The following MED15 variants were observed in gnomAD, a reference collection of about 807,000 sequenced individuals.
MED15 encodes the protein mediator of RNA polymerase II transcription subunit 15.
In MED15, 41 loss-of-function variants were observed where a neutral mutation model predicts 118.7. The observed-to-expected ratio is 0.35, with a 90% CI of 0.27 to 0.45. The LOEUF is 0.45. MED15 is among the 20% of genes least tolerant of loss of function. The pLI is 1.00. For synonymous variants in MED15, 436 were observed against 413.9 expected (o/e 1.05, Z -0.65); for missense variants, 740 against 1,025.5 (o/e 0.72, Z 3.80).
At chr22:20,584,780 G>A in intron 14 of MED15, 75 bp from the exon 15 acceptor site, 6 of 1,556,730 alleles carry the variant, frequency 3.9e-6, no homozygotes, top group Non-Finnish European at 5.2e-6. Flanking sequence ...GTGACCATGG[G>A]CCTGGGGTGT....
At chr22:20,509,592 T>G (rs1352669940) in intron 1 of MED15, among the ~76,000 whole-genome samples, 1 of 147,176 alleles carries the variant, frequency 6.8e-6, no homozygotes, top group African/African-American at 2.5e-5. Context: ...GGGGGTGGGG[T>G]GTGGGGTGAA....
intron 8 of MED15, among the ~76,000 whole-genome samples, chr22:20,570,320 G>A (rs2056598794): frequency 6.6e-6 from 1 of 152,064 alleles, no homozygotes; most frequent in Non-Finnish European, 1.5e-5. Flanking sequence ...AATGCGCCCG[G>A]CTGGAAACTT....
intron 6 of MED15, 133 bp downstream of exon 6, chr22:20,564,821 C>T: frequency 1.4e-6 from 2 of 1,438,030 alleles, no homozygotes; most frequent in African/African-American, 1.4e-5. Context: ...TGCCCTTTTC[C>T]ATGGGCTTCT....
intron 5 of MED15, among the ~76,000 whole-genome samples, chr22:20,563,035 C>CA (rs201833043): frequency 0.019 from 2,759 of 141,580 alleles, 29 homozygotes; most frequent in African/African-American, 0.032. Context: ...GACCCCACCT[C>CA]AAAAAAAAAA....
intron 16 of MED15, 87 bp downstream of exon 16, chr22:20,585,354 G>A (rs2057103809): frequency 6.5e-7 from 1 of 1,533,374 alleles, no homozygotes; most frequent in Non-Finnish European, 8.9e-7. Flanking sequence ...AGATGGCACA[G>A]CGCCCAGAAC....
At chr22:20,570,776 T>TG (rs1053726180) in intron 8 of MED15, among the ~76,000 whole-genome samples, 1 of 113,502 alleles carries the variant, frequency 8.8e-6, no homozygotes, top group Non-Finnish European at 1.9e-5. Flanking sequence ...TTTTTTTTTT[T>TG]GACAGAGTCT....
At chr22:20,573,906 C>T (rs1027225785) in intron 8 of MED15, 1 of 152,166 alleles carries the variant, frequency 6.6e-6, no homozygotes, top group Admixed American at 6.5e-5. Context: ...CTTCGTGTCT[C>T]CCCCCGGTCG....
chr22:20,568,903 T>G (rs1438265431), intron 8 of MED15, among the ~76,000 whole-genome samples: 1 of 152,154 alleles, frequency 6.6e-6, no homozygotes, highest in African/African-American at 2.4e-5. Context: ...TCCTTGCCAC[T>G]CTGAGTGACT....
At chr22:20,516,598 A>G (rs939879225) in intron 1 of MED15, among the ~76,000 whole-genome samples, 21 of 151,792 alleles carry the variant, frequency 1.4e-4, no homozygotes, top group Admixed American at 1.3e-3. Context: ...TCTTCCAGCT[A>G]TTACTGGTGT....
chr22:20,521,349 G>A (rs1000273188), intron 1 of MED15, among the ~76,000 whole-genome samples: 2 of 150,860 alleles, frequency 1.3e-5, no homozygotes, highest in East Asian at 2.0e-4. Context: ...CACCCACCTC[G>A]GCCTCCCAAA....
rs181174844 is a variant in MED15, at chr22:20,575,241, G to A, written c.1272+9G>A. Reference sequence around the variant, plus strand: ...GACAGCCCATGGCACAGGTATTTACGGGGCAGCGCCCAGGGCACGGCTGGG... The same window carrying A: ...GACAGCCCATGGCACAGGTATTTACAGGGCAGCGCCCAGGGCACGGCTGGG... On this transcript the variant is annotated intron_variant, in intron 9 of 17. Transcript: ENST00000263205. 40 of 1,612,760 alleles carry A rather than the reference G, an allele frequency of 2.5e-5. No individual in the cohort carries two copies. The highest frequency in any genetic ancestry group is 3.3e-5 in the Admixed American group (2 of 60,010).
rs60083800 is a variant in MED15, at chr22:20,523,626, C to G, written c.69-13491C>G. On this transcript the variant is annotated intron_variant, in intron 1 of 17. Transcript: ENST00000263205. The stretch of plus-strand genomic sequence containing the variant: ...CATGTGAGATCAGCATTTGGGTTGG[C>G]AGATCTCCTCCTTGCCACATGCTTG... 4.8e-4 allele frequency: 468 copies of G among 984,772 alleles called. 8 individuals carry two copies. In the East Asian group the frequency reaches 0.033, roughly 69 times the overall value. The allele number at this position is 984,772 out of a possible 1,614,324, so 61.0% of individuals were successfully genotyped here. A position where few individuals can be genotyped will look rare whatever the true frequency, so the allele number is the denominator to read the frequency against.
chr22:20,542,315 C>G (rs1349343890), intron 2 of MED15, among the ~76,000 whole-genome samples: 1 of 152,084 alleles, frequency 6.6e-6, no homozygotes, highest in East Asian at 1.9e-4. Context: ...AAAATGGAAA[C>G]AACCCAAATG....
intron 13 of MED15, 74 bp from the exon 14 acceptor site, chr22:20,584,285 G>T (rs2057070658): frequency 6.2e-6 from 9 of 1,455,442 alleles, no homozygotes; most frequent in Non-Finnish European, 8.7e-6. Context: ...AGGCCCAGTG[G>T]CAGTAGTTGG....
Position 20,537,393 on chromosome 22 carries a change from G to T in MED15, c.156+189G>T, listed in dbSNP as rs6001680. On this transcript the variant is annotated intron_variant, in intron 2 of 17. Transcript: ENST00000263205. ...TCCTGTGTGTCCATGGTACAGGGAG[G>T]GCACTTGGGTTGCAGGCCCAGCCTC... Among the ~76,000 whole-genome samples the T allele has an allele frequency of 2.7e-3, 411 of 152,246 alleles. 1 individual carries two copies. Among genetic ancestry groups the T allele is most frequent in the African/African-American group, 8.5e-3 (353 of 41,540 alleles).
intron 1 of MED15, among the ~76,000 whole-genome samples, chr22:20,519,163 T>G (rs1277951303): frequency 6.6e-6 from 1 of 152,006 alleles, no homozygotes; most frequent in African/African-American, 2.4e-5. Flanking sequence ...CTGAGACATT[T>G]ATTTAAAGAC....
At chr22:20,519,550 G>A (rs1401878892) in intron 1 of MED15, among the ~76,000 whole-genome samples, 3 of 151,826 alleles carry the variant, frequency 2.0e-5, no homozygotes, top group Admixed American at 6.6e-5. Flanking sequence ...CGCCTTCCGA[G>A]TTCAAGTGAT....
chr22:20,551,265 C>T, intron 2 of MED15, 171 bp from the exon 3 acceptor site: 1 of 755,392 alleles, frequency 1.3e-6, no homozygotes. Context: ...TAGCTGAGCA[C>T]TGACGGCTCT....
In MED15 at chr22:20,561,996, C is replaced by T. The variant is rs139292904; in HGVS notation, c.452-2454C>T. 5.3e-5 allele frequency among the ~76,000 whole-genome samples: 8 copies of T among 152,160 alleles called. No individual in the cohort carries two copies. In the East Asian group the frequency reaches 1.5e-3, roughly 29 times the overall value. ...GCAGTGAGACCCAATCTCAATCAAT[C>T]AGTCAATAAAATTAGCTGAGTGTGG... is the stretch of plus-strand genomic sequence containing the variant. On this transcript the variant is annotated intron_variant, in intron 5 of 17. Transcript: ENST00000263205.
Sources: allele counts gnomAD v4.1 joint callset (sites outside exome capture counted in the v4.1 genomes callset), GRCh38; gene constraint gnomAD v4.1.1; transcripts MANE v1.5; gene names NCBI Gene and HGNC (gene_info 2026-07-23, HGNC 2026-07-21).